The following WNK1 variants were observed in gnomAD, a reference collection of about 807,000 sequenced individuals.
The protein encoded by WNK1 is serine/threonine-protein kinase WNK1.
Under a neutral mutation model 222.8 loss-of-function variants are expected in WNK1, and 38 were observed. That is an observed-to-expected ratio of 0.17 (90% CI 0.13 to 0.22). WNK1 has a LOEUF of 0.22. Among genes scored for constraint, WNK1 ranks in the 10% least tolerant of loss-of-function variants. WNK1 has a pLI of 1.00. For synonymous variants in WNK1, 1,090 were observed against 1,092.9 expected (o/e 1.00, Z 0.05); for missense variants, 2,348 against 2,918.4 (o/e 0.80, Z 4.50).
At position 868,235 on chromosome 12, in the gene WNK1, C is replaced by T. The variant is rs774091945; in HGVS notation, c.2140-3030C>T. ...CAGTGACTATAGACCTGGACTAGTA[C>T]TTCCAGAAGAAGCTCACTATTTTAT... On this transcript the variant is annotated intron_variant, in intron 8 of 27. Coordinates refer to ENST00000315939, the MANE Select transcript of WNK1 (RefSeq NM_018979.4). 25 of 1,606,392 alleles carry T rather than the reference C, an allele frequency of 1.6e-5. No individual in the cohort carries two copies. The East Asian group carries it at 5.6e-4, about 36-fold the overall frequency.
chr12:896,036 A>T, intron 23 of WNK1, 35 bp from the exon 24 acceptor site: 1 of 1,613,762 alleles, frequency 6.2e-7, no homozygotes, highest in Non-Finnish European at 8.5e-7. Flanking sequence ...GGATATTGAG[A>T]ACTTAAGTTT....
Position 881,004 on chromosome 12 carries a change from A to AT in WNK1, c.3111+6dup. 6.2e-7 allele frequency: 1 copy of AT among 1,614,154 alleles called. No homozygotes were observed. The highest frequency in any genetic ancestry group is 2.2e-5 in the East Asian group (1 of 44,880). On this transcript the variant is annotated splice_donor_region_variant and intron_variant, in intron 12 of 27. Coordinates refer to ENST00000315939, the MANE Select transcript of WNK1 (RefSeq NM_018979.4). ...TCCCAGCAAGCAGTTTTGGAGGTAA[A>AT]TAGAATTACTGCATGTTTATATGTA... is the stretch of plus-strand genomic sequence containing the variant.
intron 1 of WNK1, among the ~76,000 whole-genome samples, chr12:779,755 T>C (rs1267695346): frequency 1.3e-5 from 2 of 152,196 alleles, no homozygotes; most frequent in African/African-American, 4.8e-5. Context: ...GTGAATTGAC[T>C]GGACTGTGAA....
intron 2 of WNK1, among the ~76,000 whole-genome samples, chr12:822,207 C>A (rs765585865): frequency 6.0e-5 from 9 of 149,362 alleles, no homozygotes; most frequent in Admixed American, 2.7e-4. Context: ...GATTCTCCTG[C>A]CTCAGCCTCC....
At chr12:879,446 GTTT>G in intron 10 of WNK1, 124 bp from the exon 11 acceptor site, 1 of 530,868 alleles carries the variant, frequency 1.9e-6, no homozygotes, top group African/African-American at 3.5e-5. Context: ...TTGGTTTGGT[GTTT>G]TTTTTTTTGT....
chr12:827,422 T>C lies in WNK1; in HGVS notation c.1153+160T>C. 1 of 654,730 alleles carries C rather than the reference T, an allele frequency of 1.5e-6. No individual in the cohort carries two copies. The highest frequency in any genetic ancestry group is 1.8e-5 in the South Asian group (1 of 54,440). The allele number at this position is 654,730 out of a possible 1,614,324, so 40.6% of individuals were successfully genotyped here. On this transcript the variant is annotated intron_variant, in intron 3 of 27. Coordinates refer to ENST00000315939, the MANE Select transcript of WNK1 (RefSeq NM_018979.4). The surrounding 1 kb of genome is among the most constrained non-coding windows in gnomAD (Gnocchi z 4.6). ...TACTTATGAGATATAGGATTCTCTA[T>C]ATTTGTGCTTCTTGGAATCATCTTA...
intron 16 of WNK1, 84 bp from the exon 17 acceptor site, chr12:883,690 G>A: frequency 6.3e-7 from 1 of 1,596,872 alleles, no homozygotes; most frequent in Non-Finnish European, 8.6e-7. Context: ...AAACTTTTAT[G>A]TTCTCTTCAC....
rs772386348 is a variant in WNK1 at position 830,179 on chromosome 12, G to A, written c.1311+19G>A. On this transcript the variant is annotated intron_variant, in intron 4 of 27. Coordinates refer to ENST00000315939, the MANE Select transcript of WNK1 (RefSeq NM_018979.4). ...GACCAGTGTAAGTCTTCCCCTAACTGATTGTTGAACTTGGGGCATATCTAA... is the reference window on the plus strand; with the variant it reads ...GACCAGTGTAAGTCTTCCCCTAACTAATTGTTGAACTTGGGGCATATCTAA... 2 of 1,613,734 alleles carry A rather than the reference G, an allele frequency of 1.2e-6. No individual in the cohort carries two copies.
At chr12:806,334 T>C (rs1946365627) in intron 1 of WNK1, among the ~76,000 whole-genome samples, 1 of 152,212 alleles carries the variant, frequency 6.6e-6, no homozygotes, top group African/African-American at 2.4e-5. Context: ...AGAAATAAGC[T>C]GGATCCAAGG....
rs1029716636 is a variant in WNK1, at chr12:765,462, G to T, written c.759+11138G>T. Among the ~76,000 whole-genome samples, 4 of 147,630 alleles carry T rather than the reference G, an allele frequency of 2.7e-5. 1 individual carries two copies. Among genetic ancestry groups the T allele is most frequent in the Non-Finnish European group, 6.1e-5 (4 of 66,110 alleles). On this transcript the variant is annotated intron_variant, in intron 1 of 27. Coordinates refer to ENST00000315939, the MANE Select transcript of WNK1 (RefSeq NM_018979.4). ...TTTAAGAGACTGAACTGGGTGGATT[G>T]CTTGAGCTGGGGAGGTCAGGGCTGC...
At position 840,651 on chromosome 12, in the gene WNK1, A is replaced by G. The variant is rs73023583; in HGVS notation, c.1311+10491A>G. Among the ~76,000 whole-genome samples, 832 of 152,322 alleles carry G rather than the reference A, an allele frequency of 5.5e-3. 3 individuals carry two copies. Among genetic ancestry groups the G allele is most frequent in the South Asian group, 0.01 (50 of 4,828 alleles). Reference sequence around the variant, plus strand: ...ATGATACATACAGCCTACAATATTTACTATTAGGCCCTTAACAGGAAAATT... The same window carrying G: ...ATGATACATACAGCCTACAATATTTGCTATTAGGCCCTTAACAGGAAAATT... On this transcript the variant is annotated intron_variant, in intron 4 of 27. Coordinates refer to ENST00000315939, the MANE Select transcript of WNK1 (RefSeq NM_018979.4).
At chr12:883,311 T>C (rs1953347274) in intron 15 of WNK1, 84 bp from the exon 16 acceptor site, 1 of 1,458,388 alleles carries the variant, frequency 6.9e-7, no homozygotes. Context: ...TATAGGTAAG[T>C]ATGCAGATAG....
At chr12:813,940 C>T (rs1174420955) in intron 2 of WNK1, 126 bp downstream of exon 2, 2 of 966,858 alleles carry the variant, frequency 2.1e-6, no homozygotes, top group Non-Finnish European at 3.2e-6. Flanking sequence ...CCAACTGTTA[C>T]TGTATTAGCA....
intron 1 of WNK1, among the ~76,000 whole-genome samples, chr12:773,064 G>A (rs1163666480): frequency 1.3e-5 from 2 of 152,144 alleles, no homozygotes; most frequent in African/African-American, 2.4e-5. Flanking sequence ...TTCGAGACCA[G>A]CCTGACCAAC....
At chr12:820,599 T>C (rs1947779482) in intron 2 of WNK1, among the ~76,000 whole-genome samples, 1 of 151,582 alleles carries the variant, frequency 6.6e-6, no homozygotes, top group Non-Finnish European at 1.5e-5. Context: ...CTCAGCCTCC[T>C]GAGTAGCTGG....
intron 1 of WNK1, among the ~76,000 whole-genome samples, chr12:810,879 C>T (rs1366104611): frequency 6.6e-6 from 1 of 152,064 alleles, no homozygotes; most frequent in Non-Finnish European, 1.5e-5. Flanking sequence ...TGACCCCCAC[C>T]CCACCCCCAG....
chr12:755,585 TAA>T (rs1361855701), intron 1 of WNK1, among the ~76,000 whole-genome samples: 1 of 151,546 alleles, frequency 6.6e-6, no homozygotes, highest in East Asian at 1.9e-4. Flanking sequence ...AACTACTCAT[TAA>T]TTTTATAGTA....
intron 4 of WNK1, among the ~76,000 whole-genome samples, chr12:833,254 T>C (rs1441830697): frequency 6.6e-6 from 1 of 152,242 alleles, no homozygotes; most frequent in Non-Finnish European, 1.5e-5. Flanking sequence ...TTGCATTATA[T>C]TCCAGAAGTA....
intron 1 of WNK1, among the ~76,000 whole-genome samples, chr12:807,148 G>A (rs1428710255): frequency 6.6e-6 from 1 of 152,026 alleles, no homozygotes; most frequent in Non-Finnish European, 1.5e-5. Flanking sequence ...TGGGTGGGAA[G>A]GTAGTACACA....
Sources: allele counts gnomAD v4.1 joint callset (sites outside exome capture counted in the v4.1 genomes callset), GRCh38; gene constraint gnomAD v4.1.1; non-coding constraint Gnocchi (gnomAD v3.1); transcripts MANE v1.5; gene names NCBI Gene and HGNC (gene_info 2026-07-23, HGNC 2026-07-21).